The following SH3TC2 variants were observed in gnomAD, a reference collection of about 807,000 sequenced individuals.
SH3TC2 encodes the protein SH3 domain and tetratricopeptide repeat-containing protein 2.
A neutral mutation model predicts 124.5 loss-of-function variants in SH3TC2; 87 were observed. That is an observed-to-expected ratio of 0.70 (90% CI 0.59 to 0.84). The LOEUF (loss-of-function observed/expected upper bound fraction) is 0.84. Among genes scored for constraint, SH3TC2 ranks in the 40% least tolerant of loss-of-function variants. The probability of loss-of-function intolerance (pLI) is 0.00; values close to 1 mark genes in which losing one functional copy is unlikely to be tolerated. For synonymous variants in SH3TC2, 634 were observed against 628.5 expected, an observed-to-expected ratio of 1.01 and a Z score of -0.13; for missense variants, 1,536 against 1,566.4, an observed-to-expected ratio of 0.98 and a Z score of 0.33.
At chr5:149,048,884 T>C (rs1027104884) in intron 2 of SH3TC2, among the ~76,000 whole-genome samples, 12 of 152,238 alleles carry the variant, frequency 7.9e-5, no homozygotes, top group Admixed American at 2.6e-4. Flanking sequence ...CACTTTGCAA[T>C]GTGTCTTCTT....
chr5:149,032,313 T>C (rs1040879605), intron 8 of SH3TC2, among the ~76,000 whole-genome samples: 2 of 152,228 alleles, frequency 1.3e-5, no homozygotes, highest in East Asian at 1.9e-4. Flanking sequence ...GAAATCATTA[T>C]AAGCAATAAA....
chr5:149,019,667 T>G (rs1354284170), intron 12 of SH3TC2, among the ~76,000 whole-genome samples: 1 of 152,252 alleles, frequency 6.6e-6, no homozygotes, highest in Admixed American at 6.5e-5. Context: ...ATAAAATGTT[T>G]CAGAACTCTG....
rs562125931 is a variant in SH3TC2 at position 148,996,088 on chromosome 5, CAA to C, written c.*8621_*8622del. Among the ~76,000 whole-genome samples, 19 of 137,804 alleles carry C rather than the reference CAA, an allele frequency of 1.4e-4. No homozygotes were observed. Among genetic ancestry groups the C allele is most frequent in the Non-Finnish European group, 1.7e-4 (11 of 63,046 alleles). The allele number at this position is 137,804 out of a possible 152,430, so 90.4% of individuals were successfully genotyped here. A position where few individuals can be genotyped will look rare whatever the true frequency, so the allele number is the denominator to read the frequency against. On this transcript the variant is annotated 3_prime_UTR_variant, in exon 17 of 17. Coordinates refer to ENST00000515425, the MANE Select transcript of SH3TC2 (RefSeq NM_024577.4). ...GGAAACCCATCTCTACAAAAACTACCAAAAAAAAAAAAAATTAGCTGGGAGTG... is the reference window on the plus strand; with the variant it reads ...GGAAACCCATCTCTACAAAAACTACCAAAAAAAAAAAATTAGCTGGGAGTG...
chr5:149,042,975 C>A (rs953612383), intron 4 of SH3TC2, 138 bp from the exon 5 acceptor site: 4 of 985,194 alleles, frequency 4.1e-6, no homozygotes, highest in South Asian at 1.4e-5. Flanking sequence ...GGAATTAAAA[C>A]AACATAAGAG....
chr5:149,021,884 C>CAAGAAA lies in SH3TC2; in HGVS notation c.3053+4687_3053+4688insTTTCTT, dbSNP rs1355286432. On this transcript the variant is annotated intron_variant, in intron 12 of 16. Transcript: ENST00000515425. ...AACACCAATCCTTCACAAACTCTTTCTTTTTTTTTTTTTTTTTTTTTTTTT... is the reference window on the plus strand; with the variant it reads ...AACACCAATCCTTCACAAACTCTTTCAAGAAATTTTTTTTTTTTTTTTTTTTTTTTT... Among the ~76,000 whole-genome samples the CAAGAAA allele has an allele frequency of 2.6e-3, 84 of 32,862 alleles. 37 individuals carry two copies. The highest frequency in any genetic ancestry group is 6.3e-3 in the African/African-American group (45 of 7,120). The allele number at this position is 32,862 out of a possible 152,430, so 21.6% of individuals were successfully genotyped here. A position where few individuals can be genotyped will look rare whatever the true frequency, so the allele number is the denominator to read the frequency against.
intron 12 of SH3TC2, among the ~76,000 whole-genome samples, chr5:149,013,421 C>T (rs1252671224): frequency 1.3e-5 from 2 of 152,188 alleles, no homozygotes; most frequent in Non-Finnish European, 2.9e-5. Flanking sequence ...CATTAAACAT[C>T]CTTCCCTTTA....
chr5:149,018,962 G>A (rs1450550763), intron 12 of SH3TC2, among the ~76,000 whole-genome samples: 2 of 152,142 alleles, frequency 1.3e-5, no homozygotes, highest in African/African-American at 2.4e-5. Context: ...CCCTACAGAA[G>A]CCTGCCACTT....
intron 12 of SH3TC2, among the ~76,000 whole-genome samples, chr5:149,019,295 A>G (rs954070685): frequency 6.6e-6 from 1 of 151,844 alleles, no homozygotes; most frequent in Non-Finnish European, 1.5e-5. Context: ...TTGTTCTTGT[A>G]TTTTTTTTAA....
intron 8 of SH3TC2, 60 bp from the exon 9 acceptor site, chr5:149,031,747 C>A: frequency 6.2e-7 from 1 of 1,608,392 alleles, no homozygotes; most frequent in Admixed American, 1.7e-5. Context: ...TCCATCTCCT[C>A]TTCTCTCCAC....
At chr5:149,062,244 A>C in intron 1 of SH3TC2, 1 of 450,516 alleles carries the variant, frequency 2.2e-6, no homozygotes. Flanking sequence ...GCCACCACTC[A>C]TCCTGATAAA....
Position 148,983,569 on chromosome 5 carries a change from T to C in SH3TC2, c.*21142A>G, listed in dbSNP as rs1753285629. 6.6e-6 allele frequency among the ~76,000 whole-genome samples: 1 copy of C among 152,166 alleles called. No individual in the cohort carries two copies. Among genetic ancestry groups the C allele is most frequent in the Non-Finnish European group, 1.5e-5 (1 of 68,032 alleles). On this transcript the variant is annotated 3_prime_UTR_variant, in exon 17 of 17. Transcript: ENST00000515425. ...TGTGGGAGCTGAATTGCATACTGAT[T>C]TCATCTTGCTGAAGTGCACATTCCC... is the stretch of plus-strand genomic sequence containing the variant.
rs751621364 is a variant in SH3TC2 at position 149,027,180 on chromosome 5, C to T, written c.2552G>A (p.Arg851Gln). ...LLGLALQGEGRVNRAAKSYLR... is the reference protein window; with the variant it reads ...LLGLALQGEGQVNRAAKSYLR... ...ATAGCTCTTGGCTGCCCTGTTCACC[C>T]GGCCTTCACCTTGGAGTGCAAGTCC... The change falls in exon 11 of 17, where the codon CGG becomes CAG. Residue 851 changes from arginine (R) to glutamine (Q), a missense_variant. Arg to Gln is a conservative substitution (Grantham distance 43). This residue lies in a region of SH3TC2 where 1,102 missense variants were observed against 1,098.6 expected (regional missense o/e 1.00). Transcript: ENST00000515425. The T allele has an allele frequency of 6.1e-5, 99 of 1,614,076 alleles. No homozygotes were observed. In the Admixed American group the frequency reaches 1.0e-3, roughly 17 times the overall value.
intron 7 of SH3TC2, among the ~76,000 whole-genome samples, chr5:149,039,711 G>A (rs1293595863): frequency 2.6e-5 from 4 of 152,148 alleles, no homozygotes; most frequent in Non-Finnish European, 4.4e-5. Flanking sequence ...TTGCAACATA[G>A]GGCAGGTGGA....
At chr5:149,036,274 C>T (rs1754281917) in intron 8 of SH3TC2, among the ~76,000 whole-genome samples, 4 of 152,216 alleles carry the variant, frequency 2.6e-5, no homozygotes, top group Non-Finnish European at 5.9e-5. Context: ...CATGTAGCTA[C>T]TGTGCTTCCA....
Position 148,998,668 on chromosome 5 carries a change from A to G in SH3TC2, c.*6043T>C, listed in dbSNP as rs540262202. The stretch of plus-strand genomic sequence containing the variant: ...CTGTGCAGTCCTGGCCACGCAAGTT[A>G]TTCTTGATCCTGCACCATGGCAGCT... On this transcript the variant is annotated 3_prime_UTR_variant, in exon 17 of 17. Transcript: ENST00000515425. Among the ~76,000 whole-genome samples the G allele has an allele frequency of 1.3e-5, 2 of 152,304 alleles. No individual in the cohort carries two copies. The highest frequency in any genetic ancestry group is 2.1e-4 in the South Asian group (1 of 4,826).
At chr5:149,042,590 C>T in intron 5 of SH3TC2, 104 bp downstream of exon 5, 1 of 1,427,586 alleles carries the variant, frequency 7.0e-7, no homozygotes, top group Non-Finnish European at 9.8e-7. Context: ...GTGAATATTC[C>T]ATGTTTGAAT....
chr5:149,004,002 A>ATGTC lies in SH3TC2; in HGVS notation c.*705_*708dup, dbSNP rs1419542737. ...CATATACACTATTTACATGTAATTT[A>ATGTC]TGTCATAATTTTCTTAACATTCAAT... On this transcript the variant is annotated 3_prime_UTR_variant, in exon 17 of 17. Transcript: ENST00000515425. 1 of 187,010 alleles carries ATGTC rather than the reference A, an allele frequency of 5.3e-6. No individual in the cohort carries two copies. The highest frequency in any genetic ancestry group is 1.1e-5 in the Non-Finnish European group (1 of 87,836). 11.6% of individuals were successfully genotyped at this position (187,010 alleles called of 1,614,324 possible). A position where few individuals can be genotyped will look rare whatever the true frequency, so the allele number is the denominator to read the frequency against.
chr5:148,992,238 G>A lies in SH3TC2; in HGVS notation c.*12473C>T, dbSNP rs1753430158. Among the ~76,000 whole-genome samples, 1 of 152,250 alleles carries A rather than the reference G, an allele frequency of 6.6e-6. No homozygotes were observed. Among genetic ancestry groups the A allele is most frequent in the Non-Finnish European group, 1.5e-5 (1 of 68,046 alleles). ...GGTTAAGTGCCTTGCCCAAGGTCATGCACACAGTGGGGATTTTTACCCAGG... is the reference window on the plus strand; with the variant it reads ...GGTTAAGTGCCTTGCCCAAGGTCATACACACAGTGGGGATTTTTACCCAGG... On this transcript the variant is annotated 3_prime_UTR_variant, in exon 17 of 17. Transcript: ENST00000515425.
intron 12 of SH3TC2, among the ~76,000 whole-genome samples, chr5:149,022,842 T>C (rs1291958681): frequency 6.6e-6 from 1 of 152,020 alleles, no homozygotes; most frequent in African/African-American, 2.4e-5. Flanking sequence ...AATAGGCAAA[T>C]CCATAGTGAC....
Sources: gnomAD v4.1 joint callset for allele counts (sites outside exome capture counted in the v4.1 genomes callset) on GRCh38, gnomAD v4.1.1 for gene constraint, gnomAD v4.1.1 regional missense constraint, MANE v1.5 for transcripts, NCBI Gene and HGNC (gene_info 2026-07-23, HGNC 2026-07-21) for gene names.